CCDC40: variants seen among roughly 807,000 people sequenced by gnomAD.
CCDC40 encodes the protein coiled-coil domain-containing protein 40.
Under a neutral mutation model 124.5 loss-of-function variants are expected in CCDC40, and 104 were observed. The ratio of observed to expected loss-of-function variants is 0.84; its 90% CI spans 0.71 to 0.98. The LOEUF is 0.98. CCDC40 is among the 50% of genes least tolerant of loss of function. The probability of loss-of-function intolerance (pLI) is 0.00; values close to 1 mark genes in which losing one functional copy is unlikely to be tolerated. For synonymous variants in CCDC40, 580 were observed against 602.9 expected, an observed-to-expected ratio of 0.96 and a Z score of 0.56; for missense variants, 1,463 against 1,503.9, an observed-to-expected ratio of 0.97 and a Z score of 0.45.
intron 9 of CCDC40, among the ~76,000 whole-genome samples, chr17:80,064,318 T>C (rs1380279352): frequency 6.6e-6 from 1 of 152,184 alleles, no homozygotes; most frequent in Non-Finnish European, 1.5e-5. Context: ...CAGGCACTTC[T>C]GGGACTTGGC....
intron 13 of CCDC40, 36 bp from the exon 14 acceptor site, chr17:80,085,967 G>T: frequency 1.9e-6 from 3 of 1,589,448 alleles, no homozygotes; most frequent in Non-Finnish European, 2.6e-6. Context: ...ACTGCGCCCA[G>T]CCCTAATTTT....
intron 10 of CCDC40, among the ~76,000 whole-genome samples, chr17:80,069,862 A>G (rs2038148154): frequency 6.6e-6 from 1 of 152,242 alleles, no homozygotes; most frequent in Non-Finnish European, 1.5e-5. Context: ...CTAATCTCCT[A>G]GACTTCCTTT....
intron 12 of CCDC40, 60 bp downstream of exon 12, chr17:80,082,118 G>A: frequency 2.0e-6 from 3 of 1,526,344 alleles, no homozygotes; most frequent in Admixed American, 1.7e-5. Flanking sequence ...GCATATGAGG[G>A]CAAGCCGTCC....
chr17:80,065,577 G>A lies in CCDC40; in HGVS notation c.1533G>A (p.Glu511=), dbSNP rs1230162921. Reference sequence around the variant, plus strand: ...TGGTGGGCATGAAGCACCGCGACGAGGCGCACAGGGCGGTGCTGGAGGCGC... The same window carrying A: ...TGGTGGGCATGAAGCACCGCGACGAAGCGCACAGGGCGGTGCTGGAGGCGC... ...SSLVGMKHRD[E]AHRAVLEALR... is the part of the protein sequence containing the mutation. Residue 511 remains glutamate, a synonymous_variant, in exon 10 of 20, where the codon GAG becomes GAA. Transcript: ENST00000397545. 1 of 1,612,714 alleles carries A rather than the reference G, an allele frequency of 6.2e-7. No individual in the cohort carries two copies. Among genetic ancestry groups the A allele is most frequent in the Non-Finnish European group, 8.5e-7 (1 of 1,179,912 alleles).
At chr17:80,073,322 T>A (rs1021398904) in intron 10 of CCDC40, among the ~76,000 whole-genome samples, 1 of 152,178 alleles carries the variant, frequency 6.6e-6, no homozygotes, top group Non-Finnish European at 1.5e-5. Context: ...GGCAGCTCCG[T>A]GTGGAGCAAG....
Position 80,039,990 on chromosome 17 carries a change from G to T in CCDC40, c.272G>T (p.Ser91Ile), listed in dbSNP as rs1416900230. ...EEAVSYGDAE[S>I]EEEYYYTETS... ...GCTGTGTCCTATGGAGATGCTGAAA[G>T]CGAAGAGGAATATTACTATACAGAA... The change falls in exon 3 of 20, where the codon AGC becomes ATC. Residue 91 changes from serine to isoleucine, a missense_variant. Coordinates refer to ENST00000397545, the MANE Select transcript of CCDC40 (RefSeq NM_017950.4). 2.5e-6 allele frequency: 4 copies of T among 1,614,034 alleles called. No homozygotes were observed. In the South Asian group the frequency reaches 4.4e-5, roughly 18 times the overall value.
chr17:80,096,237 T>G (rs1487657750), intron 18 of CCDC40, among the ~76,000 whole-genome samples: 2 of 152,126 alleles, frequency 1.3e-5, no homozygotes, highest in African/African-American at 4.8e-5. Flanking sequence ...GCTGGACCAT[T>G]CCTGACTGGG....
In CCDC40 at chr17:80,050,130, C is replaced by A. The variant is rs376368846; in HGVS notation, c.1006C>A (p.Gln336Lys). 1 of 1,613,890 alleles carries A rather than the reference C, an allele frequency of 6.2e-7. No homozygotes were observed. The highest frequency in any genetic ancestry group is 1.3e-5 in the African/African-American group (1 of 75,052). The change falls in exon 7 of 20, where the codon CAG (glutamine) becomes AAG (lysine). Residue 336 changes from glutamine (Q) to lysine (K), a missense_variant. Transcript: ENST00000397545. ...GGGGGTGAATCTCTATGAGGTGCAG[C>A]AGCACCTGGTACACCTGCAGAAGCT... ...ELGVNLYEVQ[Q>K]HLVHLQKLLE...
intron 9 of CCDC40, among the ~76,000 whole-genome samples, chr17:80,063,070 C>T (rs2037945668): frequency 6.6e-6 from 1 of 152,046 alleles, no homozygotes; most frequent in African/African-American, 2.4e-5. Flanking sequence ...TGGCGAGTGC[C>T]TATAATCGCA....
rs1317359511 is a variant in CCDC40, at chr17:80,050,267, C to T, written c.1143C>T (p.Asn381=). Residue 381 remains asparagine, a synonymous_variant, in exon 7 of 20, where the codon AAC becomes AAT. Coordinates refer to ENST00000397545, the MANE Select transcript of CCDC40 (RefSeq NM_017950.4). ...ALYTKTCAAA[N]EERKKLAALQ... is the part of the protein sequence containing the mutation. ...ACACCAAGACCTGCGCAGCCGCCAA[C>T]GAGGAGCGCAAAAAGTGTAAGGCAA... The T allele has an allele frequency of 3.8e-6, 6 of 1,566,860 alleles. No homozygotes were observed. The highest frequency in any genetic ancestry group is 1.4e-5 in the African/African-American group (1 of 73,674).
chr17:80,048,385 C>G (rs1051196201), intron 4 of CCDC40, 198 bp from the exon 5 acceptor site: 2 of 633,322 alleles, frequency 3.2e-6, no homozygotes, highest in Non-Finnish European at 2.9e-6. Context: ...GACGCTTTCT[C>G]TGGGATGCAT....
chr17:80,040,295 G>C (rs749003040), intron 3 of CCDC40, 25 bp downstream of exon 3: 98 of 1,608,286 alleles, frequency 6.1e-5, no homozygotes, highest in Non-Finnish European at 7.5e-5. Flanking sequence ...CTTCTGTTTT[G>C]TGCCAGTGTC....
At chr17:80,088,614 C>T (rs548941651) in intron 16 of CCDC40, among the ~76,000 whole-genome samples, 9 of 152,312 alleles carry the variant, frequency 5.9e-5, no homozygotes, top group African/African-American at 7.2e-5. Flanking sequence ...CAAGACAAGA[C>T]GGGGCAACAC....
intron 7 of CCDC40, among the ~76,000 whole-genome samples, chr17:80,057,891 A>G (rs905355905): frequency 6.6e-6 from 1 of 151,948 alleles, no homozygotes; most frequent in Non-Finnish European, 1.5e-5. Context: ...AAAAAAAAGA[A>G]ATCCATCTCA....
chr17:80,037,544 T>A (rs1371734000), intron 1 of CCDC40, among the ~76,000 whole-genome samples: 1 of 151,674 alleles, frequency 6.6e-6, no homozygotes, highest in Non-Finnish European at 1.5e-5. Flanking sequence ...AGAAAAATGT[T>A]GAAAGAATGT....
At chr17:80,077,905 A>G (rs2038346732) in intron 10 of CCDC40, among the ~76,000 whole-genome samples, 2 of 152,168 alleles carry the variant, frequency 1.3e-5, no homozygotes, top group Non-Finnish European at 2.9e-5. Flanking sequence ...TTTTTGTCCC[A>G]GTCTGTGGCT....
intron 10 of CCDC40, among the ~76,000 whole-genome samples, chr17:80,070,400 G>T (rs1311858668): frequency 5.3e-5 from 8 of 152,226 alleles, no homozygotes; most frequent in Non-Finnish European, 4.4e-5. Flanking sequence ...TTCAAGACCA[G>T]CCCGGGCAAC....
rs939707457 is a variant in CCDC40, at chr17:80,066,019, G to A, written c.1562+413G>A. On this transcript the variant is annotated intron_variant, in intron 10 of 19. Coordinates refer to ENST00000397545, the MANE Select transcript of CCDC40 (RefSeq NM_017950.4). This position sits in a 1 kb window ranked among gnomAD's most constrained non-coding sequence, Gnocchi z 4.4. Reference sequence around the variant, plus strand: ...ATCCTATTTTAATCTCCAAAGGAAGGGGAGGAAGAGGCCTCCTCTGGGCAT... The same window carrying A: ...ATCCTATTTTAATCTCCAAAGGAAGAGGAGGAAGAGGCCTCCTCTGGGCAT... The A allele has an allele frequency of 2.6e-5, 18 of 684,734 alleles. No homozygotes were observed. The highest frequency in any genetic ancestry group is 3.7e-5 in the Non-Finnish European group (14 of 375,778). The allele number at this position is 684,734 out of a possible 1,614,324, so 42.4% of individuals were successfully genotyped here.
chr17:80,082,151 A>T, intron 12 of CCDC40, 93 bp downstream of exon 12: 1 of 1,110,380 alleles, frequency 9.0e-7, no homozygotes, highest in Non-Finnish European at 1.4e-6. Context: ...GGGCGGAGTC[A>T]GTGTGAGCAG....
Sources: allele counts gnomAD v4.1 joint callset (sites outside exome capture counted in the v4.1 genomes callset), GRCh38; gene constraint gnomAD v4.1.1; non-coding constraint Gnocchi (gnomAD v3.1); transcripts MANE v1.5; gene names NCBI Gene and HGNC (gene_info 2026-07-23, HGNC 2026-07-21).